The following ARHGAP18 variants were observed in gnomAD, a reference collection of about 807,000 sequenced individuals.
The protein encoded by ARHGAP18 is rho GTPase-activating protein 18.
In ARHGAP18, 67 loss-of-function variants were observed where a neutral mutation model predicts 86.2. That is an observed-to-expected ratio of 0.78 (90% CI 0.64 to 0.95). ARHGAP18 has a LOEUF of 0.95. Among genes scored for constraint, ARHGAP18 ranks in the 40% least tolerant of loss-of-function variants. ARHGAP18 has a pLI of 0.00. For missense variants in ARHGAP18, 691 were observed against 780.4 expected (o/e 0.89, Z 1.37); for synonymous variants, 283 against 280.4 (o/e 1.01, Z -0.09).
intron 1 of ARHGAP18, among the ~76,000 whole-genome samples, chr6:129,690,896 ATTCAT>A (rs1774515831): frequency 6.6e-6 from 1 of 152,200 alleles, no homozygotes; most frequent in Admixed American, 6.5e-5. Flanking sequence ...GAAATTGAAA[ATTCAT>A]TTCAATGCTA....
At chr6:129,598,961 T>TGTGTG in intron 12 of ARHGAP18, 28 of 262,786 alleles carry the variant, frequency 1.1e-4, no homozygotes, top group Non-Finnish European at 1.5e-4. Context: ...TGTGTGTGTG[T>TGTGTG]TCAGTCTTGT....
intron 1 of ARHGAP18, among the ~76,000 whole-genome samples, chr6:129,656,485 A>G (rs1773839379): frequency 6.6e-6 from 1 of 152,148 alleles, no homozygotes; most frequent in Non-Finnish European, 1.5e-5. Context: ...TACTAAAAAT[A>G]CAAAAGTTAG....
intron 1 of ARHGAP18, among the ~76,000 whole-genome samples, chr6:129,675,738 T>C (rs191851098): frequency 6.6e-6 from 1 of 152,152 alleles, no homozygotes; most frequent in Non-Finnish European, 1.5e-5. Context: ...GAGACTTAAT[T>C]GTTTTTCCTT....
intron 4 of ARHGAP18, among the ~76,000 whole-genome samples, chr6:129,631,273 G>C (rs923872281): frequency 1.3e-5 from 2 of 151,864 alleles, no homozygotes; most frequent in Admixed American, 1.3e-4. Flanking sequence ...TCCATGTCAG[G>C]GTTACAATAA....
chr6:129,678,995 C>A (rs1774280179), intron 1 of ARHGAP18, among the ~76,000 whole-genome samples: 1 of 152,166 alleles, frequency 6.6e-6, no homozygotes, highest in African/African-American at 2.4e-5. Context: ...AGAATAAACT[C>A]TTTTGGCTTC....
At chr6:129,610,097 A>G in intron 8 of ARHGAP18, among the ~76,000 whole-genome samples, 1 of 152,220 alleles carries the variant, frequency 6.6e-6, no homozygotes. Context: ...TTTCAAATTC[A>G]GGAAGACAAT....
intron 4 of ARHGAP18, among the ~76,000 whole-genome samples, chr6:129,633,675 T>C (rs566857158): frequency 6.6e-6 from 1 of 152,262 alleles, no homozygotes; most frequent in Admixed American, 6.5e-5. Context: ...CTGTGTTGCA[T>C]TGGAAAGTGG....
At chr6:129,620,381 A>G (rs1197881178) in intron 5 of ARHGAP18, among the ~76,000 whole-genome samples, 1 of 152,256 alleles carries the variant, frequency 6.6e-6, no homozygotes, top group South Asian at 2.1e-4. Context: ...CTCAACTTGT[A>G]TATTACTTTC....
At chr6:129,593,908 T>C (rs1432337331) in intron 12 of ARHGAP18, among the ~76,000 whole-genome samples, 1 of 152,198 alleles carries the variant, frequency 6.6e-6, no homozygotes, top group Non-Finnish European at 1.5e-5. Flanking sequence ...AAATTATTAA[T>C]TAACTAGTGT....
At chr6:129,602,885 AG>A (rs1435216504) in intron 10 of ARHGAP18, among the ~76,000 whole-genome samples, 4 of 152,046 alleles carry the variant, frequency 2.6e-5, no homozygotes, top group Non-Finnish European at 5.9e-5. Flanking sequence ...TCAGAATACT[AG>A]AGAATAAGAG....
chr6:129,588,165 T>G (rs540797800), intron 12 of ARHGAP18, among the ~76,000 whole-genome samples: 33 of 150,936 alleles, frequency 2.2e-4, no homozygotes, highest in Admixed American at 9.3e-4. Context: ...TCACCCAGGC[T>G]GGAGTGTAGT....
intron 10 of ARHGAP18, 31 bp from the exon 11 acceptor site, chr6:129,600,879 G>A (rs371199379): frequency 2.6e-6 from 4 of 1,567,188 alleles, no homozygotes; most frequent in South Asian, 1.1e-5. Flanking sequence ...TGAGATTTGT[G>A]TCATATATGA....
At chr6:129,636,415 C>T (rs563121217) in intron 3 of ARHGAP18, among the ~76,000 whole-genome samples, 24 of 152,246 alleles carry the variant, frequency 1.6e-4, no homozygotes, top group African/African-American at 5.1e-4. Context: ...CATAAATAAT[C>T]GTTCAATTTT....
chr6:129,629,890 A>AG (rs1773161331), intron 4 of ARHGAP18, among the ~76,000 whole-genome samples: 2 of 152,214 alleles, frequency 1.3e-5, no homozygotes, highest in Admixed American at 1.3e-4. Flanking sequence ...AAGCAAAAAA[A>AG]GAAGGAGGTG....
At chr6:129,633,420 G>A (rs1426258152) in intron 4 of ARHGAP18, among the ~76,000 whole-genome samples, 2 of 123,954 alleles carry the variant, frequency 1.6e-5, no homozygotes, top group Non-Finnish European at 1.6e-5. Flanking sequence ...GGGAGACAGA[G>A]CAAGACTCCA....
chr6:129,580,223 G>A lies in ARHGAP18; in HGVS notation c.1839-92C>T, dbSNP rs1457558183. The A allele has an allele frequency of 6.4e-5, 73 of 1,134,372 alleles. 2 individuals are homozygous for A. In the South Asian group the frequency reaches 9.2e-4, roughly 14 times the overall value. The allele number at this position is 1,134,372 out of a possible 1,614,324, so 70.3% of individuals were successfully genotyped here. A position where few individuals can be genotyped will look rare whatever the true frequency, so the allele number is the denominator to read the frequency against. On this transcript the variant is annotated intron_variant, in intron 13 of 14. Coordinates refer to ENST00000368149, the MANE Select transcript of ARHGAP18 (RefSeq NM_033515.3). ...TGCTTGGGGAATTCTGGCTGGTATG[G>A]AAAATTCATAACTTAGACACACTGT...
At chr6:129,621,227 T>C (rs1321569800) in intron 5 of ARHGAP18, among the ~76,000 whole-genome samples, 1 of 152,164 alleles carries the variant, frequency 6.6e-6, no homozygotes, top group Non-Finnish European at 1.5e-5. Context: ...GAGATGAAAA[T>C]GTTGGAGTCA....
intron 1 of ARHGAP18, among the ~76,000 whole-genome samples, chr6:129,695,287 G>A (rs1432174980): frequency 3.3e-5 from 5 of 151,860 alleles, no homozygotes; most frequent in East Asian, 3.9e-4. Context: ...GAAACTCATC[G>A]CTTGCTAACT....
At chr6:129,605,825 A>C in intron 10 of ARHGAP18, 52 bp downstream of exon 10, 5 of 1,500,242 alleles carry the variant, frequency 3.3e-6, no homozygotes, top group Non-Finnish European at 4.6e-6. Flanking sequence ...AATAATGAAA[A>C]ATTACTGTGC....
Sources: allele counts gnomAD v4.1 joint callset (sites outside exome capture counted in the v4.1 genomes callset), GRCh38; gene constraint gnomAD v4.1.1; transcripts MANE v1.5; gene names NCBI Gene and HGNC (gene_info 2026-07-23, HGNC 2026-07-21).